The following IL1RAPL2 variants were observed in gnomAD, a reference collection of about 807,000 sequenced individuals.
IL1RAPL2 encodes X-linked interleukin-1 receptor accessory protein-like 2.
A neutral mutation model predicts 44.1 loss-of-function variants in IL1RAPL2; 3 were observed. That is an observed-to-expected ratio of 0.07 (90% CI 0.03 to 0.18). IL1RAPL2 has a LOEUF of 0.18. Ranked by LOEUF, IL1RAPL2 falls within the 10% of genes least tolerant of loss-of-function variation. The probability of loss-of-function intolerance (pLI) is 1.00; values close to 1 mark genes in which losing one functional copy is unlikely to be tolerated. For synonymous variants in IL1RAPL2, 181 were observed against 178.8 expected, an observed-to-expected ratio of 1.01 and a Z score of -0.10; for missense variants, 391 against 496.4, an observed-to-expected ratio of 0.79 and a Z score of 2.02.
intron 6 of IL1RAPL2, among the ~76,000 whole-genome samples, chrX:105,543,644 G>A (rs1364707869): frequency 8.9e-6 from 1 of 112,263 alleles, no homozygotes; most frequent in African/African-American, 3.2e-5. Context: ...TGTGAGTTAA[G>A]CAAAGAATGG....
At chrX:105,260,821 G>A (rs1460126664) in intron 4 of IL1RAPL2, among the ~76,000 whole-genome samples, 6 of 112,421 alleles carry the variant, frequency 5.3e-5, no homozygotes, top group East Asian at 2.8e-4. Context: ...CCCTGCCCCC[G>A]GCCCTGGGAG....
chrX:105,548,077 C>T (rs2036819377), intron 6 of IL1RAPL2, among the ~76,000 whole-genome samples: 1 of 111,467 alleles, frequency 9.0e-6, no homozygotes, highest in African/African-American at 3.3e-5. Context: ...AGTTTTTCAT[C>T]CAAGCACACA....
chrX:105,421,879 C>T (rs753303193), intron 5 of IL1RAPL2, among the ~76,000 whole-genome samples: 1 of 111,900 alleles, frequency 8.9e-6, no homozygotes, highest in East Asian at 2.8e-4. Context: ...GGAGAAATAA[C>T]TGAAAACATT....
intron 4 of IL1RAPL2, among the ~76,000 whole-genome samples, chrX:105,255,794 C>T (rs190928795): frequency 4.5e-5 from 5 of 111,407 alleles, no homozygotes; most frequent in Non-Finnish European, 5.7e-5. Flanking sequence ...GTGGGTTTGC[C>T]GTAGATGGTT....
intron 2 of IL1RAPL2, among the ~76,000 whole-genome samples, chrX:104,828,169 C>T (rs1921507876): frequency 8.9e-6 from 1 of 111,854 alleles, no homozygotes; most frequent in African/African-American, 3.2e-5. Context: ...TGTTCCCTTG[C>T]TGGCAAGGAG....
At chrX:104,898,931 A>G (rs1249811624) in intron 2 of IL1RAPL2, among the ~76,000 whole-genome samples, 2 of 112,509 alleles carry the variant, frequency 1.8e-5, no homozygotes, top group African/African-American at 6.5e-5. Flanking sequence ...TAAAAGATTA[A>G]TAATAAGAAT....
intron 6 of IL1RAPL2, among the ~76,000 whole-genome samples, chrX:105,680,179 T>G (rs1443309109): frequency 9.0e-6 from 1 of 111,544 alleles, no homozygotes; most frequent in African/African-American, 3.3e-5. Flanking sequence ...TTTTCTATTT[T>G]AAGTAGAGAC....
Position 105,756,299 on chromosome X carries a change from G to A in IL1RAPL2, c.1363+952G>A, listed in dbSNP as rs140710817. Among the ~76,000 whole-genome samples, 647 of 111,746 alleles carry A rather than the reference G, an allele frequency of 5.8e-3. 5 individuals are homozygous for A. The highest frequency in any genetic ancestry group is 0.019 in the African/African-American group (596 of 30,814). On this transcript the variant is annotated intron_variant, in intron 10 of 10. Coordinates refer to ENST00000372582, the MANE Select transcript of IL1RAPL2 (RefSeq NM_017416.2). ...AGTAACCCTGTGTTGCGAGAGAGTA[G>A]GTACTTATATCCTCATGCTGAGGAA... is the stretch of plus-strand genomic sequence containing the variant.
intron 2 of IL1RAPL2, among the ~76,000 whole-genome samples, chrX:104,751,747 T>A (rs761556641): frequency 6.6e-4 from 73 of 111,416 alleles, no homozygotes; most frequent in South Asian, 3.0e-3. Context: ...GAATGCATAC[T>A]TATTTTACAT....
chrX:105,038,507 C>A (rs1361526177), intron 2 of IL1RAPL2, among the ~76,000 whole-genome samples: 5 of 111,328 alleles, frequency 4.5e-5, no homozygotes, highest in Non-Finnish European at 9.4e-5. Flanking sequence ...CATCATACCA[C>A]TTTGGTGGAA....
intron 5 of IL1RAPL2, among the ~76,000 whole-genome samples, chrX:105,275,651 G>C (rs149148305): frequency 3.6e-5 from 4 of 110,443 alleles, no homozygotes; most frequent in African/African-American, 1.4e-4. Flanking sequence ...CTTTGTGTTT[G>C]TAGAGCATCT....
intron 5 of IL1RAPL2, 48 bp downstream of exon 5, chrX:105,267,589 A>G: frequency 9.5e-7 from 1 of 1,051,726 alleles, no homozygotes; most frequent in Non-Finnish European, 1.3e-6. Context: ...TTTAAGTATA[A>G]TTTGGTTTGG....
intron 6 of IL1RAPL2, among the ~76,000 whole-genome samples, chrX:105,617,576 C>A (rs2037386467): frequency 9.0e-6 from 1 of 111,561 alleles, no homozygotes; most frequent in Non-Finnish European, 1.9e-5. Flanking sequence ...ACTTTCCTGA[C>A]CTTGTCATAA....
At chrX:104,756,119 T>G (rs1932335901) in intron 2 of IL1RAPL2, among the ~76,000 whole-genome samples, 1 of 111,210 alleles carries the variant, frequency 9.0e-6, no homozygotes, top group Non-Finnish European at 1.9e-5. Context: ...CACTCTTCCC[T>G]AATATTCATC....
chrX:105,715,774 A>G (rs2038251839), intron 6 of IL1RAPL2, among the ~76,000 whole-genome samples: 2 of 111,221 alleles, frequency 1.8e-5, no homozygotes, highest in South Asian at 7.6e-4. Flanking sequence ...GGCCTAGAAA[A>G]CTCTGCTTAT....
At position 105,340,665 on chromosome X, in the gene IL1RAPL2, G is replaced by A. The variant is rs144496686; in HGVS notation, c.697+73124G>A. ...ATAACTGCATGCTTTGTACTCCCTC[G>A]TCTCTAGGTCTTTGATCCAATATCA... On this transcript the variant is annotated intron_variant, in intron 5 of 10. Coordinates refer to ENST00000372582, the MANE Select transcript of IL1RAPL2 (RefSeq NM_017416.2). Among the ~76,000 whole-genome samples the A allele has an allele frequency of 2.9e-3, 327 of 111,539 alleles. 11 individuals carry two copies. In the East Asian group the frequency reaches 0.062, roughly 21 times the overall value.
Position 105,157,420 on chromosome X carries a change from C to T in IL1RAPL2, c.83-38055C>T, listed in dbSNP as rs181205306. ...GTCCCCCATGTCCTTCTAACTCAGCCGCTACAATTATCAGGCTCATCCTCT... is the reference window on the plus strand; with the variant it reads ...GTCCCCCATGTCCTTCTAACTCAGCTGCTACAATTATCAGGCTCATCCTCT... On this transcript the variant is annotated intron_variant, in intron 2 of 10. Transcript: ENST00000372582. Among the ~76,000 whole-genome samples, 564 of 111,931 alleles carry T rather than the reference C, an allele frequency of 5.0e-3. 7 individuals carry two copies. The highest frequency in any genetic ancestry group is 0.017 in the African/African-American group (536 of 30,764).
chrX:104,880,065 C>A (rs925304487), intron 2 of IL1RAPL2, among the ~76,000 whole-genome samples: 5 of 85,916 alleles, frequency 5.8e-5, no homozygotes, highest in Admixed American at 1.2e-4. Context: ...TACGCTAAAT[C>A]TGTTTTGCAA....
At chrX:104,713,882 T>C in intron 2 of IL1RAPL2, among the ~76,000 whole-genome samples, 1 of 111,027 alleles carries the variant, frequency 9.0e-6, no homozygotes. Context: ...TACCTGGCTT[T>C]GCCTAAATTT....
Sources: allele counts gnomAD v4.1 joint callset (sites outside exome capture counted in the v4.1 genomes callset), GRCh38; gene constraint gnomAD v4.1.1; transcripts MANE v1.5; gene names NCBI Gene and HGNC (gene_info 2026-07-23, HGNC 2026-07-21).